NTM: variants seen among roughly 807,000 people sequenced by gnomAD.
NTM encodes the protein neurotrimin.
NTM carries 13 observed loss-of-function variants against 42.1 expected under a neutral mutation model. The ratio of observed to expected loss-of-function variants is 0.31; its 90% confidence interval spans 0.20 to 0.49. The LOEUF (loss-of-function observed/expected upper bound fraction) is 0.49, where lower values mean the gene tolerates loss of function less well. Ranked by LOEUF, NTM falls within the 20% of genes least tolerant of loss-of-function variation. NTM has a pLI of 0.99. For missense variants in NTM, 373 were observed against 452.8 expected (o/e 0.82, Z 1.60); for synonymous variants, 187 against 179.2 (o/e 1.04, Z -0.35).
intron 2 of NTM, among the ~76,000 whole-genome samples, chr11:132,085,064 A>G (rs1377007568): frequency 6.6e-6 from 1 of 152,198 alleles, no homozygotes; most frequent in Non-Finnish European, 1.5e-5. Context: ...TCACACACAG[A>G]ATTTTGTTTG....
intron 1 of NTM, among the ~76,000 whole-genome samples, chr11:131,532,965 A>G (rs2051521833): frequency 6.6e-6 from 1 of 152,048 alleles, no homozygotes; most frequent in Non-Finnish European, 1.5e-5. Context: ...GACTACCAGG[A>G]GATCTAGTAT....
intron 2 of NTM, among the ~76,000 whole-genome samples, chr11:132,130,755 G>T (rs1204113130): frequency 6.6e-6 from 1 of 152,158 alleles, no homozygotes; most frequent in Non-Finnish European, 1.5e-5. Flanking sequence ...GGAGTTGCCG[G>T]CAGCAGACCT....
chr11:131,658,098 T>A (rs1460319128), intron 1 of NTM, among the ~76,000 whole-genome samples: 2 of 152,208 alleles, frequency 1.3e-5, no homozygotes, highest in African/African-American at 4.8e-5. Context: ...TTTCCCTAAC[T>A]TTTTATGGGC....
chr11:131,930,965 G>T (rs767782174), intron 2 of NTM, among the ~76,000 whole-genome samples: 6 of 152,194 alleles, frequency 3.9e-5, no homozygotes, highest in Non-Finnish European at 7.3e-5. Flanking sequence ...CTGTGTGTGT[G>T]TGAGTACACA....
chr11:131,774,602 T>C (rs1157835643), intron 1 of NTM, among the ~76,000 whole-genome samples: 1 of 152,188 alleles, frequency 6.6e-6, no homozygotes, highest in Non-Finnish European at 1.5e-5. Flanking sequence ...CCAAATATAA[T>C]TTTTCTCCTT....
At chr11:132,218,980 T>G (rs2084525102) in intron 4 of NTM, among the ~76,000 whole-genome samples, 1 of 152,178 alleles carries the variant, frequency 6.6e-6, no homozygotes, top group African/African-American at 2.4e-5. Context: ...GAAGATGTGC[T>G]TCTTTATTAA....
At chr11:131,710,522 A>C (rs1045288795) in intron 1 of NTM, among the ~76,000 whole-genome samples, 2 of 152,130 alleles carry the variant, frequency 1.3e-5, no homozygotes, top group African/African-American at 4.8e-5. Context: ...GTTTCGATTC[A>C]GGTAGTTATT....
chr11:131,789,636 A>AAGAAGAAGAAGAAGAAGAAG (rs1555127950), intron 1 of NTM, among the ~76,000 whole-genome samples: 3 of 30,900 alleles, frequency 9.7e-5, no homozygotes, highest in African/African-American at 3.6e-4. Flanking sequence ...AAGAAGAAGA[A>AAGAAGAAGAAGAAGAAGAAG]AAGAAGAAGA....
At chr11:131,536,393 C>T (rs2052228734) in intron 1 of NTM, 1 of 152,196 alleles carries the variant, frequency 6.6e-6, no homozygotes, top group South Asian at 2.1e-4. Flanking sequence ...ACCCTGGTTA[C>T]TGGGGGACAT....
chr11:131,853,549 C>T (rs893042864), intron 1 of NTM, among the ~76,000 whole-genome samples: 2 of 152,154 alleles, frequency 1.3e-5, no homozygotes, highest in African/African-American at 4.8e-5. Flanking sequence ...CAGCTCCGTC[C>T]GTGTCCCTGC....
At chr11:132,111,355 T>C (rs191344053) in intron 2 of NTM, among the ~76,000 whole-genome samples, 2,011 of 152,244 alleles carry the variant, frequency 0.013, 25 homozygotes, top group Non-Finnish European at 0.02. Flanking sequence ...TTTCTCTCTA[T>C]GTTTAAAAGT....
At chr11:131,651,865 A>G (rs1191868156) in intron 1 of NTM, among the ~76,000 whole-genome samples, 1 of 151,788 alleles carries the variant, frequency 6.6e-6, no homozygotes, top group Non-Finnish European at 1.5e-5. Flanking sequence ...AAAAAAGAAA[A>G]AAAAAAATAT....
chr11:131,504,831 A>G (rs1237153670), intron 1 of NTM, among the ~76,000 whole-genome samples: 1 of 152,064 alleles, frequency 6.6e-6, no homozygotes, highest in Non-Finnish European at 1.5e-5. Context: ...CTGCATGCAC[A>G]TATGCCTGCC....
chr11:131,719,199 C>T (rs990305062), intron 1 of NTM, among the ~76,000 whole-genome samples: 7 of 152,142 alleles, frequency 4.6e-5, no homozygotes, highest in African/African-American at 1.2e-4. Flanking sequence ...CGTAAGCCCG[C>T]GCCCAGTGCT....
intron 2 of NTM, among the ~76,000 whole-genome samples, chr11:132,138,503 T>C (rs1292592313): frequency 6.6e-6 from 1 of 152,182 alleles, no homozygotes; most frequent in South Asian, 2.1e-4. Context: ...CTAATGAATG[T>C]CATGTTCGAA....
intron 1 of NTM, among the ~76,000 whole-genome samples, chr11:131,556,904 G>T (rs1452648378): frequency 6.6e-6 from 1 of 152,084 alleles, no homozygotes; most frequent in Non-Finnish European, 1.5e-5. Flanking sequence ...CCATATCTGA[G>T]GAAATTATGT....
chr11:132,285,277 C>T (rs2094182468), intron 4 of NTM, among the ~76,000 whole-genome samples: 1 of 152,210 alleles, frequency 6.6e-6, no homozygotes. Flanking sequence ...GGTTCTCATG[C>T]CCACCAGCCT....
intron 1 of NTM, among the ~76,000 whole-genome samples, chr11:131,808,713 G>T (rs192063999): frequency 4.6e-5 from 7 of 152,258 alleles, no homozygotes; most frequent in Admixed American, 1.3e-4. Context: ...GTGGGAGACA[G>T]CACGTGCAAA....
chr11:131,476,940 C>T (rs937881008), intron 1 of NTM, among the ~76,000 whole-genome samples: 1 of 152,104 alleles, frequency 6.6e-6, no homozygotes, highest in African/African-American at 2.4e-5. Context: ...CCTCTTTGGG[C>T]TATTCTTGTG....
Sources: gnomAD v4.1 joint callset for allele counts (sites outside exome capture counted in the v4.1 genomes callset) on GRCh38, gnomAD v4.1.1 for gene constraint, MANE v1.5 for transcripts, NCBI Gene and HGNC (gene_info 2026-07-23, HGNC 2026-07-21) for gene names.